The following DCLK2 variants were observed in gnomAD, a reference collection of about 807,000 sequenced individuals.
The protein encoded by DCLK2 is doublecortin like kinase 2.
DCLK2 carries 31 observed loss-of-function variants against 78.4 expected under a neutral mutation model. The observed-to-expected ratio is 0.40, with a 90% CI of 0.30 to 0.53. DCLK2 has a LOEUF of 0.53. Ranked by LOEUF, DCLK2 falls within the 20% of genes least tolerant of loss-of-function variation. The probability of loss-of-function intolerance (pLI) is 0.61; values close to 1 mark genes in which losing one functional copy is unlikely to be tolerated. For missense variants in DCLK2, 872 were observed against 973.7 expected (o/e 0.90, Z 1.39); for synonymous variants, 407 against 374.9 (o/e 1.09, Z -0.99).
intron 15 of DCLK2, among the ~76,000 whole-genome samples, chr4:150,249,966 GC>G (rs1322826556): frequency 2.6e-5 from 4 of 152,132 alleles, no homozygotes; most frequent in African/African-American, 7.2e-5. Context: ...TCTTGTCTCT[GC>G]CTTCTCATCT....
chr4:150,133,059 A>C (rs1365335446), intron 2 of DCLK2, among the ~76,000 whole-genome samples: 1 of 152,216 alleles, frequency 6.6e-6, no homozygotes, highest in Non-Finnish European at 1.5e-5. Flanking sequence ...CTCACGACTT[A>C]AAAAAGCTTC....
chr4:150,093,312 A>G (rs1472150053), intron 1 of DCLK2, among the ~76,000 whole-genome samples: 2 of 152,232 alleles, frequency 1.3e-5, no homozygotes, highest in Non-Finnish European at 2.9e-5. Context: ...GGAAGATTTA[A>G]TATTGTTAAA....
chr4:150,095,895 G>A (rs926166649), intron 1 of DCLK2, among the ~76,000 whole-genome samples: 4 of 152,164 alleles, frequency 2.6e-5, no homozygotes, highest in Admixed American at 1.3e-4. Context: ...GGTATGAGAA[G>A]TTTGAAAGGA....
At chr4:150,155,855 G>A (rs1022089941) in intron 2 of DCLK2, among the ~76,000 whole-genome samples, 8 of 152,162 alleles carry the variant, frequency 5.3e-5, no homozygotes, top group Admixed American at 2.6e-4. Flanking sequence ...GGAAACATGG[G>A]AATTGATGTC....
At chr4:150,222,167 C>CTGGT (rs771729693) in intron 7 of DCLK2, among the ~76,000 whole-genome samples, 2 of 151,956 alleles carry the variant, frequency 1.3e-5, no homozygotes, top group African/African-American at 2.4e-5. Context: ...TGTTGCCAGG[C>CTGGT]TGGTCCTAGG....
intron 2 of DCLK2, among the ~76,000 whole-genome samples, chr4:150,145,063 C>T (rs933857791): frequency 2.6e-5 from 4 of 152,080 alleles, no homozygotes; most frequent in Non-Finnish European, 4.4e-5. Context: ...TTTGTTTTCT[C>T]CCTGTAGAGA....
chr4:150,220,419 A>AT (rs1560882168), intron 5 of DCLK2, among the ~76,000 whole-genome samples: 1 of 152,214 alleles, frequency 6.6e-6, no homozygotes, highest in Non-Finnish European at 1.5e-5. Context: ...TCCAGCTATC[A>AT]TGCCATAGAG....
At chr4:150,157,591 C>A (rs540524583) in intron 2 of DCLK2, among the ~76,000 whole-genome samples, 6 of 151,570 alleles carry the variant, frequency 4.0e-5, no homozygotes, top group Non-Finnish European at 7.4e-5. Flanking sequence ...CGGCTCACTG[C>A]AGCCTCCACT....
chr4:150,253,217 T>C (rs563123302), intron 15 of DCLK2: 17 of 516,264 alleles, frequency 3.3e-5, no homozygotes, highest in African/African-American at 3.3e-4. Context: ...CTGGTACTCA[T>C]AGGTCCTCAT....
intron 1 of DCLK2, among the ~76,000 whole-genome samples, chr4:150,088,208 G>A (rs1012151391): frequency 1.3e-5 from 2 of 152,116 alleles, no homozygotes; most frequent in African/African-American, 2.4e-5. Context: ...CTTATTACTG[G>A]TTATATTGTT....
chr4:150,252,618 G>T (rs567842344), intron 15 of DCLK2, among the ~76,000 whole-genome samples: 1 of 152,176 alleles, frequency 6.6e-6, no homozygotes, highest in African/African-American at 2.4e-5. Flanking sequence ...AACCTATGTC[G>T]TGTGGTTTAC....
At chr4:150,088,496 TAGAGAC>T (rs1729807160) in intron 1 of DCLK2, among the ~76,000 whole-genome samples, 2 of 152,068 alleles carry the variant, frequency 1.3e-5, no homozygotes. Context: ...ATTTTATAAC[TAGAGAC>T]AGAGTCTTTG....
intron 12 of DCLK2, among the ~76,000 whole-genome samples, chr4:150,243,090 G>A (rs1743047556): frequency 6.6e-6 from 1 of 152,206 alleles, no homozygotes; most frequent in Non-Finnish European, 1.5e-5. Flanking sequence ...TGCTGGTGCA[G>A]CCTGAGAGTT....
At chr4:150,248,465 C>T in intron 14 of DCLK2, 80 bp downstream of exon 14, 2 of 1,217,294 alleles carry the variant, frequency 1.6e-6, no homozygotes, top group South Asian at 1.2e-5. Flanking sequence ...GATGTTTGCA[C>T]ATGCAAAAGT....
intron 2 of DCLK2, among the ~76,000 whole-genome samples, chr4:150,180,309 G>A (rs182681806): frequency 6.6e-6 from 1 of 152,248 alleles, no homozygotes; most frequent in African/African-American, 2.4e-5. Flanking sequence ...TGGGAGTTAC[G>A]TGAAATTCAT....
intron 2 of DCLK2, among the ~76,000 whole-genome samples, chr4:150,158,471 G>C (rs1207161058): frequency 1.3e-5 from 2 of 152,118 alleles, no homozygotes; most frequent in South Asian, 4.2e-4. Context: ...CTGCCCCTTT[G>C]AGAATGCATG....
intron 5 of DCLK2, among the ~76,000 whole-genome samples, chr4:150,207,901 C>A (rs940822012): frequency 1.3e-5 from 2 of 151,938 alleles, no homozygotes; most frequent in Non-Finnish European, 2.9e-5. Context: ...TGTAGTGGAG[C>A]CTTGCAGGGA....
At chr4:150,139,889 A>G (rs569886722) in intron 2 of DCLK2, among the ~76,000 whole-genome samples, 2 of 152,284 alleles carry the variant, frequency 1.3e-5, no homozygotes, top group Non-Finnish European at 2.9e-5. Flanking sequence ...TTTATATGCA[A>G]TTAATTTTGT....
intron 1 of DCLK2, among the ~76,000 whole-genome samples, chr4:150,100,093 A>T (rs1730782215): frequency 6.6e-6 from 1 of 152,038 alleles, no homozygotes; most frequent in Non-Finnish European, 1.5e-5. Context: ...TTGTATTTTT[A>T]GTAGAGACAG....
Sources: gnomAD v4.1 joint callset for allele counts (sites outside exome capture counted in the v4.1 genomes callset) on GRCh38, gnomAD v4.1.1 for gene constraint, MANE v1.5 for transcripts, NCBI Gene and HGNC (gene_info 2026-07-23, HGNC 2026-07-21) for gene names.